The following MAGI2 variants were observed in gnomAD, a reference collection of about 807,000 sequenced individuals.
The protein encoded by MAGI2 is membrane-associated guanylate kinase, WW and PDZ domain-containing protein 2.
MAGI2 carries 35 observed loss-of-function variants against 133.3 expected under a neutral mutation model. The ratio of observed to expected loss-of-function variants is 0.26; its 90% CI spans 0.20 to 0.35. The LOEUF (loss-of-function observed/expected upper bound fraction) is 0.35, where lower values mean the gene tolerates loss of function less well. MAGI2 is among the 10% of genes least tolerant of loss of function. The pLI, the probability that MAGI2 is intolerant of heterozygous loss-of-function variation, is 1.00. For synonymous variants in MAGI2, 729 were observed against 710.6 expected (o/e 1.03, Z -0.41); for missense variants, 1,636 against 1,863.4 (o/e 0.88, Z 2.25).
At chr7:78,300,080 G>A (rs1052130156) in intron 9 of MAGI2, among the ~76,000 whole-genome samples, 4 of 152,088 alleles carry the variant, frequency 2.6e-5, no homozygotes, top group African/African-American at 9.7e-5. Context: ...GACAACAGTA[G>A]TATAAGCAGA....
Position 79,222,986 on chromosome 7 carries a change from G to T in MAGI2, c.302-215780C>A, listed in dbSNP as rs186373737. ...TGCAAGCTCCGCCTCCCGGGTTCAC[G>T]CCATTCTCCTGCCTCTGCCTCCCGA... On this transcript the variant is annotated intron_variant, in intron 1 of 21. Transcript: ENST00000354212. Among the ~76,000 whole-genome samples the T allele has an allele frequency of 6.6e-5, 10 of 152,088 alleles. No individual in the cohort carries two copies. The East Asian group carries it at 1.9e-3, about 29-fold the overall frequency.
intron 1 of MAGI2, among the ~76,000 whole-genome samples, chr7:79,393,002 G>C (rs772480743): frequency 1.3e-5 from 2 of 152,082 alleles, no homozygotes; most frequent in African/African-American, 4.8e-5. Context: ...CACAGAGATA[G>C]AACATGAACT....
At chr7:78,822,131 A>G (rs987119702) in intron 2 of MAGI2, among the ~76,000 whole-genome samples, 1 of 152,084 alleles carries the variant, frequency 6.6e-6, no homozygotes, top group African/African-American at 2.4e-5. Flanking sequence ...CAAAAGATTT[A>G]AAAAGATCGA....
At chr7:79,445,620 C>T (rs749700016) in intron 1 of MAGI2, among the ~76,000 whole-genome samples, 1 of 152,116 alleles carries the variant, frequency 6.6e-6, no homozygotes, top group Non-Finnish European at 1.5e-5. Flanking sequence ...AATGAGATAC[C>T]ATCTCACACC....
At chr7:79,228,719 C>T (rs776658298) in intron 1 of MAGI2, among the ~76,000 whole-genome samples, 9 of 152,112 alleles carry the variant, frequency 5.9e-5, no homozygotes, top group Non-Finnish European at 1.3e-4. Context: ...TGTGAACTGA[C>T]ATGACTTCTT....
intron 2 of MAGI2, among the ~76,000 whole-genome samples, chr7:78,724,374 T>A (rs1337700555): frequency 3.9e-5 from 6 of 152,182 alleles, no homozygotes; most frequent in Admixed American, 3.9e-4. Context: ...GAGAGTCAGA[T>A]GAAAGTGCAA....
chr7:78,166,192 G>A (rs537180326), intron 15 of MAGI2, among the ~76,000 whole-genome samples: 3 of 152,128 alleles, frequency 2.0e-5, no homozygotes, highest in Non-Finnish European at 4.4e-5. Context: ...TCAACAGCTC[G>A]GGTTGATTAA....
At chr7:78,024,901 C>A (rs188631121) in intron 21 of MAGI2, among the ~76,000 whole-genome samples, 8 of 152,358 alleles carry the variant, frequency 5.3e-5, no homozygotes, top group African/African-American at 1.9e-4. Flanking sequence ...CAAGAACCCA[C>A]TCTTCTTTCA....
At chr7:79,115,854 GT>G (rs59398227) in intron 1 of MAGI2, among the ~76,000 whole-genome samples, 11,612 of 93,620 alleles carry the variant, frequency 0.12, 813 homozygotes, top group South Asian at 0.24. Context: ...ATGTTTTAAA[GT>G]TTTTTTTTTT....
intron 1 of MAGI2, among the ~76,000 whole-genome samples, chr7:79,241,627 A>C (rs1464486163): frequency 1.3e-5 from 2 of 152,208 alleles, no homozygotes; most frequent in Non-Finnish European, 2.9e-5. Context: ...TTTGGGACTG[A>C]AACTGCCTTT....
At chr7:78,338,566 T>C (rs1319131496) in intron 9 of MAGI2, among the ~76,000 whole-genome samples, 1 of 152,212 alleles carries the variant, frequency 6.6e-6, no homozygotes, top group East Asian at 1.9e-4. Flanking sequence ...CCCTAGTAAT[T>C]TGGGATTTGC....
rs1024778940 is a variant in MAGI2, at chr7:78,747,060, C to T, written c.419-119821G>A. Among the ~76,000 whole-genome samples, 6 of 152,132 alleles carry T rather than the reference C, an allele frequency of 3.9e-5. No homozygotes were observed. The East Asian group carries it at 5.8e-4, about 15-fold the overall frequency. On this transcript the variant is annotated intron_variant, in intron 2 of 21. Coordinates refer to ENST00000354212, the MANE Select transcript of MAGI2 (RefSeq NM_012301.4). ...AGAGGAAATATACCAAGTGCACATACGCATCACAGCCAGCCAGGTCAGCGC... is the reference window on the plus strand; with the variant it reads ...AGAGGAAATATACCAAGTGCACATATGCATCACAGCCAGCCAGGTCAGCGC...
At chr7:78,208,707 T>G (rs11977714) in intron 10 of MAGI2, among the ~76,000 whole-genome samples, 52,553 of 141,752 alleles carry the variant, frequency 0.37, 9,302 homozygotes, top group Admixed American at 0.4. Context: ...TTTTTTTTTT[T>G]GGGAAATCCA....
intron 3 of MAGI2, among the ~76,000 whole-genome samples, chr7:78,607,927 A>G (rs1805999544): frequency 6.6e-6 from 1 of 152,134 alleles, no homozygotes; most frequent in Admixed American, 6.5e-5. Context: ...TCAAGCTTTT[A>G]GACAGGAACC....
At chr7:78,760,391 T>C (rs1824386971) in intron 2 of MAGI2, among the ~76,000 whole-genome samples, 1 of 149,998 alleles carries the variant, frequency 6.7e-6, no homozygotes, top group South Asian at 2.1e-4. Flanking sequence ...AGATGAAGTT[T>C]TGCTCTTGTT....
intron 1 of MAGI2, among the ~76,000 whole-genome samples, chr7:79,084,993 C>CT (rs1245072795): frequency 6.6e-6 from 1 of 151,790 alleles, no homozygotes; most frequent in Admixed American, 6.6e-5. Flanking sequence ...ACTCTTGCTG[C>CT]TTTCAAATTA....
chr7:79,230,565 T>C (rs1308859804), intron 1 of MAGI2, among the ~76,000 whole-genome samples: 3 of 151,760 alleles, frequency 2.0e-5, no homozygotes, highest in Non-Finnish European at 2.9e-5. Flanking sequence ...TTTTTTCATG[T>C]GTTTTTTGGC....
At chr7:78,492,420 A>G (rs1793709581) in intron 5 of MAGI2, among the ~76,000 whole-genome samples, 1 of 152,030 alleles carries the variant, frequency 6.6e-6, no homozygotes, top group Admixed American at 6.6e-5. Context: ...CCAGCACAGT[A>G]TTTTTCAATA....
intron 6 of MAGI2, among the ~76,000 whole-genome samples, chr7:78,453,331 C>T (rs1268063376): frequency 1.3e-5 from 2 of 152,194 alleles, no homozygotes; most frequent in East Asian, 3.8e-4. Flanking sequence ...AAGGGAAGCT[C>T]TTTCTTCAGG....
Sources: gnomAD v4.1 joint callset for allele counts (sites outside exome capture counted in the v4.1 genomes callset) on GRCh38, gnomAD v4.1.1 for gene constraint, MANE v1.5 for transcripts, NCBI Gene and HGNC (gene_info 2026-07-23, HGNC 2026-07-21) for gene names.